The following SAMD4A variants were observed in gnomAD, a reference collection of about 807,000 sequenced individuals.
The protein encoded by SAMD4A is sterile alpha motif domain containing 4A.
Under a neutral mutation model 81.3 loss-of-function variants are expected in SAMD4A, and 33 were observed. The ratio of observed to expected loss-of-function variants is 0.41; its 90% confidence interval spans 0.31 to 0.54. The LOEUF (loss-of-function observed/expected upper bound fraction) is 0.54. Ranked by LOEUF, SAMD4A falls within the 20% of genes least tolerant of loss-of-function variation. The pLI, the probability that SAMD4A is intolerant of heterozygous loss-of-function variation, is 0.37. For synonymous variants in SAMD4A, 389 were observed against 382.1 expected (o/e 1.02, Z -0.21); for missense variants, 854 against 951.1 (o/e 0.90, Z 1.34).
intron 2 of SAMD4A, among the ~76,000 whole-genome samples, chr14:54,577,379 T>C (rs2033332042): frequency 6.6e-6 from 1 of 152,210 alleles, no homozygotes; most frequent in Non-Finnish European, 1.5e-5. Context: ...TGCAGTGTTA[T>C]CCAAGCTAAG....
chr14:54,698,019 C>T (rs2036619014), intron 2 of SAMD4A, among the ~76,000 whole-genome samples: 1 of 152,204 alleles, frequency 6.6e-6, no homozygotes, highest in Non-Finnish European at 1.5e-5. Context: ...TAACCTAATC[C>T]ATAAAGTCAC....
intron 2 of SAMD4A, among the ~76,000 whole-genome samples, chr14:54,629,349 T>G (rs1192246645): frequency 1.3e-5 from 2 of 152,198 alleles, no homozygotes; most frequent in East Asian, 3.8e-4. Flanking sequence ...AGAATAAATT[T>G]CTGTTGTTTT....
At chr14:54,727,102 TCA>T (rs1447169429) in intron 3 of SAMD4A, among the ~76,000 whole-genome samples, 1 of 149,066 alleles carries the variant, frequency 6.7e-6, no homozygotes, top group Non-Finnish European at 1.5e-5. Flanking sequence ...AATGTTGAAC[TCA>T]CAACAAAGAA....
intron 9 of SAMD4A, among the ~76,000 whole-genome samples, chr14:54,772,781 C>A (rs2038738384): frequency 6.6e-6 from 1 of 151,762 alleles, no homozygotes; most frequent in African/African-American, 2.4e-5. Context: ...AAAATTCCGA[C>A]TTCAGAACTC....
intron 12 of SAMD4A, among the ~76,000 whole-genome samples, chr14:54,785,553 G>A (rs760674642): frequency 2.6e-5 from 4 of 152,080 alleles, no homozygotes; most frequent in African/African-American, 4.8e-5. Flanking sequence ...CCAAAAGGCC[G>A]AGAAGCGATA....
intron 2 of SAMD4A, among the ~76,000 whole-genome samples, chr14:54,577,856 C>T (rs2033349278): frequency 6.6e-6 from 1 of 152,172 alleles, no homozygotes; most frequent in South Asian, 2.1e-4. Context: ...ACTCAGAAAG[C>T]TGGCTTGGAG....
intron 3 of SAMD4A, among the ~76,000 whole-genome samples, chr14:54,721,265 A>G (rs1294959621): frequency 6.6e-6 from 1 of 152,228 alleles, no homozygotes; most frequent in African/African-American, 2.4e-5. Flanking sequence ...TGCTTGTTGA[A>G]TGAATAAATG....
intron 2 of SAMD4A, among the ~76,000 whole-genome samples, chr14:54,627,018 C>A (rs981540240): frequency 6.6e-6 from 1 of 152,208 alleles, no homozygotes; most frequent in Non-Finnish European, 1.5e-5. Flanking sequence ...TCTTATTTCT[C>A]TGACCTGTTC....
At chr14:54,670,779 G>A (rs527530206) in intron 2 of SAMD4A, among the ~76,000 whole-genome samples, 5 of 152,260 alleles carry the variant, frequency 3.3e-5, no homozygotes, top group African/African-American at 1.2e-4. Context: ...AACTGCTGTT[G>A]CCTCCCATGC....
At chr14:54,715,883 A>G (rs2037105672) in intron 3 of SAMD4A, among the ~76,000 whole-genome samples, 1 of 152,164 alleles carries the variant, frequency 6.6e-6, no homozygotes, top group Non-Finnish European at 1.5e-5. Flanking sequence ...TGGCAAAAAT[A>G]ATACTGGTTT....
chr14:54,736,146 C>T (rs114387355), intron 3 of SAMD4A, among the ~76,000 whole-genome samples: 2,719 of 152,244 alleles, frequency 0.018, 63 homozygotes, highest in African/African-American at 0.051. Flanking sequence ...ATCCCTCCCT[C>T]GAATGACTTC....
intron 2 of SAMD4A, among the ~76,000 whole-genome samples, chr14:54,654,145 T>C (rs910872019): frequency 6.6e-6 from 1 of 152,216 alleles, no homozygotes; most frequent in Non-Finnish European, 1.5e-5. Context: ...TCAGAACCGG[T>C]AGATGACTAT....
chr14:54,724,916 G>A (rs1358298157), intron 3 of SAMD4A, among the ~76,000 whole-genome samples: 1 of 152,168 alleles, frequency 6.6e-6, no homozygotes, highest in African/African-American at 2.4e-5. Context: ...ATGAGCTGGG[G>A]TGTGAGAGAG....
At chr14:54,710,051 T>C (rs1330071616) in intron 3 of SAMD4A, among the ~76,000 whole-genome samples, 4 of 152,280 alleles carry the variant, frequency 2.6e-5, no homozygotes, top group Non-Finnish European at 4.4e-5. Context: ...TTGCAACACT[T>C]GACTTTTCTT....
intron 2 of SAMD4A, among the ~76,000 whole-genome samples, chr14:54,632,235 C>T (rs924163189): frequency 2.0e-5 from 3 of 152,102 alleles, no homozygotes; most frequent in Admixed American, 2.0e-4. Context: ...AAAATGCAAA[C>T]GATTATACGG....
At chr14:54,734,634 A>G (rs922354862) in intron 3 of SAMD4A, among the ~76,000 whole-genome samples, 4 of 152,224 alleles carry the variant, frequency 2.6e-5, no homozygotes, top group Non-Finnish European at 5.9e-5. Context: ...CTCAATAGCC[A>G]GTGAAGTCCT....
chr14:54,573,297 C>T (rs550745118), intron 2 of SAMD4A, among the ~76,000 whole-genome samples: 11 of 152,240 alleles, frequency 7.2e-5, no homozygotes, highest in African/African-American at 2.4e-4. Flanking sequence ...AAACAGGCCC[C>T]ATCAAAGCAA....
At chr14:54,775,618 A>G (rs10144632) in intron 10 of SAMD4A, among the ~76,000 whole-genome samples, 42,685 of 151,946 alleles carry the variant, frequency 0.28, 6,407 homozygotes, top group African/African-American at 0.39. Context: ...CTTGCTGTGC[A>G]GTTTAGAGCT....
At chr14:54,709,233 C>T (rs1425969432) in intron 3 of SAMD4A, among the ~76,000 whole-genome samples, 1 of 151,912 alleles carries the variant, frequency 6.6e-6, no homozygotes, top group Non-Finnish European at 1.5e-5. Context: ...CCCGAGATCA[C>T]ACCACTGCAC....
Sources: allele counts gnomAD v4.1 joint callset (sites outside exome capture counted in the v4.1 genomes callset), GRCh38; gene constraint gnomAD v4.1.1; transcripts MANE v1.5; gene names NCBI Gene and HGNC (gene_info 2026-07-23, HGNC 2026-07-21).